Variants in TMEM272 observed in about 807,000 individuals in gnomAD.
The protein encoded by TMEM272 is long intergenic non-protein coding RNA 282.
A neutral mutation model predicts 3.7 loss-of-function variants in TMEM272; 8 were observed. That is an observed-to-expected ratio of 2.17 (90% confidence interval 1.27 to 3.91). The LOEUF (loss-of-function observed/expected upper bound fraction) is 3.91, where lower values mean the gene tolerates loss of function less well. Ranked by LOEUF, TMEM272 falls within the 30% of genes most tolerant of loss-of-function variation. TMEM272 has a pLI of 0.00. For synonymous variants in TMEM272, 63 were observed against 39.8 expected (o/e 1.58, Z -2.20); for missense variants, 166 against 91.5 (o/e 1.81, Z -3.32).
At chr13:51,833,443 G>A (rs760789015) in intron 2 of TMEM272, among the ~76,000 whole-genome samples, 4 of 152,212 alleles carry the variant, frequency 2.6e-5, no homozygotes, top group Non-Finnish European at 4.4e-5. Context: ...GGCTCTCGGA[G>A]TGAAGAGACC....
intron 1 of TMEM272, among the ~76,000 whole-genome samples, chr13:51,842,304 T>C (rs1461134837): frequency 6.6e-6 from 1 of 152,258 alleles, no homozygotes; most frequent in Non-Finnish European, 1.5e-5. Flanking sequence ...TTTACCATTA[T>C]AATTTTAAAC....
At chr13:51,861,000 T>C in the TMEM272 span, among the ~76,000 whole-genome samples, 2 of 152,066 alleles carry the variant, frequency 1.3e-5, no homozygotes, top group African/African-American at 2.4e-5. Context: ...AAGTGGAATA[T>C]TATTCAGTCA....
chr13:51,923,784 TC>T, the TMEM272 span, among the ~76,000 whole-genome samples: 1 of 150,934 alleles, frequency 6.6e-6, no homozygotes. Context: ...AGGGGGACAA[TC>T]CCCCAAGCCC....
the TMEM272 span, among the ~76,000 whole-genome samples, chr13:51,887,151 A>G: frequency 6.6e-6 from 1 of 152,306 alleles, no homozygotes; most frequent in African/African-American, 2.4e-5. Flanking sequence ...TAAGTCTCAT[A>G]AACTTAGCTT....
At chr13:51,929,081 C>T in the TMEM272 span, among the ~76,000 whole-genome samples, 5 of 152,046 alleles carry the variant, frequency 3.3e-5, no homozygotes, top group Admixed American at 3.3e-4. Flanking sequence ...CCTGTAGTTC[C>T]AGCTACTTGG....
the TMEM272 span, among the ~76,000 whole-genome samples, chr13:51,931,813 C>T: frequency 7.9e-5 from 12 of 152,056 alleles, no homozygotes; most frequent in African/African-American, 1.9e-4. Flanking sequence ...TGCTGGAGGG[C>T]GGGGCTGGCC....
the TMEM272 span, among the ~76,000 whole-genome samples, chr13:51,902,246 C>T: frequency 6.6e-6 from 1 of 152,134 alleles, no homozygotes; most frequent in East Asian, 1.9e-4. Flanking sequence ...TTCCCAGTTG[C>T]CTTGTTACAT....
At chr13:51,823,570 T>C (rs1956098781) in intron 3 of TMEM272, among the ~76,000 whole-genome samples, 1 of 152,254 alleles carries the variant, frequency 6.6e-6, no homozygotes, top group South Asian at 2.1e-4. Flanking sequence ...AAATAAACTC[T>C]TACAGTGTTA....
At chr13:51,851,012 A>G in the TMEM272 span, among the ~76,000 whole-genome samples, 2 of 152,090 alleles carry the variant, frequency 1.3e-5, no homozygotes, top group Non-Finnish European at 2.9e-5. Context: ...GGGGTATGGT[A>G]TATATTTGAT....
the TMEM272 span, among the ~76,000 whole-genome samples, chr13:51,930,029 C>T: frequency 6.6e-6 from 1 of 152,216 alleles, no homozygotes; most frequent in Non-Finnish European, 1.5e-5. Flanking sequence ...AGGCTTTGCT[C>T]CCTCCATGTC....
At chr13:51,901,167 A>G in the TMEM272 span, among the ~76,000 whole-genome samples, 2 of 152,128 alleles carry the variant, frequency 1.3e-5, no homozygotes, top group African/African-American at 4.8e-5. Context: ...CAGCCTTCTC[A>G]TATTTGTGAT....
the TMEM272 span, among the ~76,000 whole-genome samples, chr13:51,904,818 T>G: frequency 6.6e-6 from 1 of 152,240 alleles, no homozygotes. Context: ...TCCAAGCATT[T>G]CAATTAAGAA....
the TMEM272 span, among the ~76,000 whole-genome samples, chr13:51,900,753 A>G: frequency 6.6e-6 from 1 of 152,242 alleles, no homozygotes. Context: ...AATGTGATAT[A>G]TCCATAAAAT....
chr13:51,840,750 T>C (rs964368723), intron 1 of TMEM272, among the ~76,000 whole-genome samples: 1 of 152,246 alleles, frequency 6.6e-6, no homozygotes, highest in South Asian at 2.1e-4. Context: ...TGAACTACTA[T>C]TCAAATGTCT....
chr13:51,932,907 C>T, the TMEM272 span: 2 of 152,118 alleles, frequency 1.3e-5, no homozygotes, highest in Non-Finnish European at 2.9e-5. Context: ...AAACAACATT[C>T]CCCAAGCAAG....
At chr13:51,922,446 A>C in the TMEM272 span, among the ~76,000 whole-genome samples, 1 of 152,096 alleles carries the variant, frequency 6.6e-6, no homozygotes, top group Non-Finnish European at 1.5e-5. Flanking sequence ...TTATTTATTT[A>C]GTTTTGGGGA....
chr13:51,881,096 A>G, the TMEM272 span, among the ~76,000 whole-genome samples: 4 of 152,198 alleles, frequency 2.6e-5, no homozygotes, highest in African/African-American at 9.6e-5. Context: ...AGTAACAATC[A>G]CCAAGTATTC....
chr13:51,849,665 G>A (rs547656795), upstream of TMEM272, among the ~76,000 whole-genome samples: 2 of 152,194 alleles, frequency 1.3e-5, no homozygotes, highest in Admixed American at 6.5e-5. Flanking sequence ...GGGAGGATGC[G>A]CGGACACGCC....
upstream of TMEM272, among the ~76,000 whole-genome samples, chr13:51,848,143 G>A (rs1034592495): frequency 1.2e-4 from 18 of 152,196 alleles, no homozygotes; most frequent in Non-Finnish European, 2.6e-4. Flanking sequence ...AGTCATGCAC[G>A]ATGTCGTGGT....
Sources: gnomAD v4.1 joint callset for allele counts (sites outside exome capture counted in the v4.1 genomes callset) on GRCh38, gnomAD v4.1.1 for gene constraint, MANE v1.5 for transcripts, NCBI Gene and HGNC (gene_info 2026-07-23, HGNC 2026-07-21) for gene names.